AGAP4: variants seen among roughly 807,000 people sequenced by gnomAD.
AGAP4 encodes the protein ArfGAP with GTPase domain, ankyrin repeat and PH domain 4, also known as arf-GAP with GTPase, ANK repeat and PH domain-containing protein 4.
A neutral mutation model predicts 60.7 loss-of-function variants in AGAP4; 13 were observed. The ratio of observed to expected loss-of-function variants is 0.21; its 90% CI spans 0.14 to 0.34. The LOEUF is 0.34. Ranked by LOEUF, AGAP4 falls within the 10% of genes least tolerant of loss-of-function variation. The pLI, the probability that AGAP4 is intolerant of heterozygous loss-of-function variation, is 1.00. For missense variants in AGAP4, 169 were observed against 884.0 expected, an observed-to-expected ratio of 0.19 and a Z score of 10.26; for synonymous variants, 70 against 339.0, an observed-to-expected ratio of 0.21 and a Z score of 8.72.
At chr10:45,840,309 G>C (rs1430351696) in intron 4 of AGAP4, among the ~76,000 whole-genome samples, 2 of 139,172 alleles carry the variant, frequency 1.4e-5, no homozygotes, top group Admixed American at 1.4e-4. Context: ...CTCTATCAAA[G>C]AGGAGGGATT....
chr10:45,854,001 G>A (rs2059112865), upstream of AGAP4: 1 of 622,950 alleles, frequency 1.6e-6, no homozygotes, highest in Non-Finnish European at 2.2e-6. Context: ...CTGGAGATGA[G>A]TGACCCCATT....
chr10:45,831,435 G>C lies in AGAP4; in HGVS notation c.498-6C>G, dbSNP rs1226981058. The stretch of plus-strand genomic sequence containing the variant: ...GAGGTATCTCCAAGGTCACACTGTG[G>C]AAGGAAAAAAATTCATAACAATAGA... On this transcript the variant is annotated splice_region_variant and splice_polypyrimidine_tract_variant and intron_variant, in intron 5 of 7. Transcript: ENST00000616763. 5 of 1,588,324 alleles carry C rather than the reference G, an allele frequency of 3.1e-6. No homozygotes were observed. The highest frequency in any genetic ancestry group is 4.3e-6 in the Non-Finnish European group (5 of 1,171,878).
chr10:45,850,509 A>C (rs1471352743), upstream of AGAP4, among the ~76,000 whole-genome samples: 6 of 152,112 alleles, frequency 3.9e-5, no homozygotes, highest in Admixed American at 6.5e-5. Context: ...AACCATGAAA[A>C]GGTGAAAAGT....
At chr10:45,852,061 C>T (rs1277219249), upstream of AGAP4, among the ~76,000 whole-genome samples, 1 of 148,138 alleles carries the variant, frequency 6.8e-6, no homozygotes, top group South Asian at 2.2e-4. Flanking sequence ...TACAGGCACC[C>T]GTTACCATGT....
intron 1 of AGAP4, among the ~76,000 whole-genome samples, chr10:45,852,713 T>C (rs1474467299): frequency 5.3e-4 from 80 of 151,856 alleles, no homozygotes; most frequent in African/African-American, 1.9e-3. Flanking sequence ...GAAACCACAG[T>C]GGAAGGAAAA....
intron 3 of AGAP4, 120 bp from the exon 4 acceptor site, chr10:45,841,807 A>T: frequency 8.4e-7 from 1 of 1,184,300 alleles, no homozygotes; most frequent in Non-Finnish European, 1.1e-6. Flanking sequence ...TTAAAAAAAA[A>T]ATTTTCAATA....
intron 4 of AGAP4, among the ~76,000 whole-genome samples, chr10:45,841,339 TGATCAG>T (rs2058915219): frequency 6.7e-6 from 1 of 149,044 alleles, no homozygotes; most frequent in South Asian, 2.3e-4. Context: ...TGACCTCAGA[TGATCAG>T]CCTGCCTCGG....
At chr10:45,836,233 A>G (rs2058815808) in intron 4 of AGAP4, among the ~76,000 whole-genome samples, 1 of 151,550 alleles carries the variant, frequency 6.6e-6, no homozygotes, top group African/African-American at 2.4e-5. Flanking sequence ...ATTTTATTTT[A>G]GTTTAGTTTA....
At chr10:45,829,999 G>A (rs2058705623) in intron 6 of AGAP4, among the ~76,000 whole-genome samples, 1 of 145,310 alleles carries the variant, frequency 6.9e-6, no homozygotes, top group South Asian at 2.3e-4. Flanking sequence ...AAAGATCAAT[G>A]AGTACTGATG....
At chr10:45,838,068 G>A (rs1282354726) in intron 4 of AGAP4, among the ~76,000 whole-genome samples, 15 of 150,226 alleles carry the variant, frequency 1.0e-4, no homozygotes, top group South Asian at 6.2e-4. Context: ...TAAAGAAACC[G>A]TGATATACAT....
At chr10:45,853,416 G>A (rs1396766030) in intron 1 of AGAP4, among the ~76,000 whole-genome samples, 7 of 151,136 alleles carry the variant, frequency 4.6e-5, no homozygotes, top group South Asian at 2.1e-4. Flanking sequence ...AGGTACCTGG[G>A]TTATTAGGTG....
At chr10:45,853,737 A>C (rs2135981859) in exon 1 of AGAP4, 2 of 1,288,004 alleles carry the variant, frequency 1.6e-6, no homozygotes, top group Non-Finnish European at 2.0e-6. Context: ...GCAGCAGCCA[A>C]CAGGTCTGGA....
chr10:45,834,366 C>T (rs1236506896), intron 4 of AGAP4, among the ~76,000 whole-genome samples: 1 of 139,338 alleles, frequency 7.2e-6, no homozygotes, highest in East Asian at 2.1e-4. Flanking sequence ...TATGAATTAC[C>T]GTTAAAAATA....
chr10:45,848,499 C>T (rs2059035466), upstream of AGAP4, among the ~76,000 whole-genome samples: 1 of 150,192 alleles, frequency 6.7e-6, no homozygotes, highest in Non-Finnish European at 1.5e-5. Context: ...TAGTGTGTGC[C>T]TGACAGTGTC....
chr10:45,854,448 T>G (rs1377371348), upstream of AGAP4: 3 of 151,080 alleles, frequency 2.0e-5, no homozygotes, highest in Non-Finnish European at 2.9e-5. Context: ...GCCTACGTAG[T>G]AAAACCTCGT....
intron 4 of AGAP4, among the ~76,000 whole-genome samples, chr10:45,834,674 CAAA>C (rs1174820110): frequency 8.4e-3 from 127 of 15,208 alleles, no homozygotes; most frequent in East Asian, 0.015. Context: ...GACTCCGCCT[CAAA>C]AAAAAAAAAA....
upstream of AGAP4, among the ~76,000 whole-genome samples, chr10:45,850,454 G>T (rs1490137680): frequency 6.6e-6 from 1 of 151,792 alleles, no homozygotes; most frequent in Non-Finnish European, 1.5e-5. Flanking sequence ...CCTCAAATTT[G>T]ATGCTGGGGT....
rs2059004805 is a variant in AGAP4, at chr10:45,846,701, T to A, written c.278A>T (p.Asn93Ile). The change falls in exon 2 of 8, where the codon AAC (asparagine) becomes ATC (isoleucine). Residue 93 changes from asparagine to isoleucine, a missense_variant. Physicochemically the swap from Asn to Ile is moderately radical, Grantham distance 149 (BLOSUM62 -3). Transcript: ENST00000616763. ...NPEASTIFQRNSQTDALEFNP... is the reference protein window; with the variant it reads ...NPEASTIFQRISQTDALEFNP... Reference sequence around the variant, plus strand: ...TGTTGTCTCACCATCTGTTTGAGAGTTCCTCTGGAATATTGTGCTTGCCTC... The same window carrying A: ...TGTTGTCTCACCATCTGTTTGAGAGATCCTCTGGAATATTGTGCTTGCCTC... 1 of 1,238,752 alleles carries A rather than the reference T, an allele frequency of 8.1e-7. No homozygotes were observed. The highest frequency in any genetic ancestry group is 1.6e-5 in the African/African-American group (1 of 63,646). The allele number at this position is 1,238,752 out of a possible 1,614,324, so 76.7% of individuals were successfully genotyped here.
At chr10:45,830,303 A>C (rs1260440043) in intron 6 of AGAP4, among the ~76,000 whole-genome samples, 1 of 125,114 alleles carries the variant, frequency 8.0e-6, no homozygotes, top group Non-Finnish European at 1.7e-5. Context: ...CTCCCAAGTA[A>C]CTGGGACTAC....
Sources: gnomAD v4.1 joint callset for allele counts (sites outside exome capture counted in the v4.1 genomes callset) on GRCh38, gnomAD v4.1.1 for gene constraint, MANE v1.5 for transcripts, NCBI Gene and HGNC (gene_info 2026-07-23, HGNC 2026-07-21) for gene names.